The following COL24A1 variants were observed in gnomAD, a reference collection of about 807,000 sequenced individuals.
COL24A1 encodes collagen alpha-1(XXIV) chain.
COL24A1 carries 224 observed loss-of-function variants against 253.9 expected under a neutral mutation model. The ratio of observed to expected loss-of-function variants is 0.88; its 90% CI spans 0.79 to 0.99. COL24A1 has a LOEUF of 0.99. Ranked by LOEUF, COL24A1 falls within the 50% of genes least tolerant of loss-of-function variation. The pLI is 0.00. For synonymous variants in COL24A1, 685 were observed against 673.7 expected, an observed-to-expected ratio of 1.02 and a Z score of -0.26; for missense variants, 2,131 against 2,068.5, an observed-to-expected ratio of 1.03 and a Z score of -0.59.
chr1:86,001,723 G>C (rs1695431696), intron 19 of COL24A1, among the ~76,000 whole-genome samples: 1 of 151,928 alleles, frequency 6.6e-6, no homozygotes, highest in Admixed American at 6.6e-5. Flanking sequence ...TGTTTGAGAT[G>C]GAAAAGAACT....
chr1:85,824,273 G>C (rs1011096011), intron 43 of COL24A1, among the ~76,000 whole-genome samples: 2 of 152,152 alleles, frequency 1.3e-5, no homozygotes, highest in African/African-American at 4.8e-5. Context: ...GCAGGAGTGT[G>C]GCCCTAGAGC....
chr1:85,745,736 C>T (rs1665143815), intron 55 of COL24A1, among the ~76,000 whole-genome samples: 1 of 152,152 alleles, frequency 6.6e-6, no homozygotes, highest in African/African-American at 2.4e-5. Context: ...AAAATAGGAC[C>T]AGAGTCTACA....
rs989540011 is a variant in COL24A1, at chr1:85,868,590, C to T, written c.3229G>A (p.Gly1077Arg). 1.2e-6 allele frequency: 2 copies of T among 1,613,902 alleles called. No individual in the cohort carries two copies. The highest frequency in any genetic ancestry group is 1.7e-6 in the Non-Finnish European group (2 of 1,179,884). The stretch of plus-strand genomic sequence containing the variant: ...GGTAAGCCCATCTCTCCTTTTTCTC[C>T]ATCCTCTCCAGGAAGTCCCCTTCCT... ...PGGRGLPGED[G>R]EKGEMGLPGI... The change falls in exon 37 of 60, where the codon GGA becomes AGA. Residue 1077 changes from glycine (G) to arginine (R), a missense_variant. By Grantham distance (125) the Gly-to-Arg change is moderately radical. Transcript: ENST00000370571.
At chr1:85,843,252 GC>G (rs1558355152) in intron 39 of COL24A1, among the ~76,000 whole-genome samples, 2 of 152,024 alleles carry the variant, frequency 1.3e-5, no homozygotes, top group Non-Finnish European at 2.9e-5. Flanking sequence ...TAAATTCCCA[GC>G]TCTAAAAATG....
chr1:86,047,622 AT>A, intron 11 of COL24A1, among the ~76,000 whole-genome samples: 1 of 152,044 alleles, frequency 6.6e-6, no homozygotes, highest in East Asian at 1.9e-4. Flanking sequence ...ACACATATAT[AT>A]GTTTATTAAA....
intron 43 of COL24A1, among the ~76,000 whole-genome samples, chr1:85,832,199 C>T (rs895307074): frequency 6.6e-6 from 1 of 151,998 alleles, no homozygotes; most frequent in Non-Finnish European, 1.5e-5. Flanking sequence ...TTCCCCATTG[C>T]TCGTTTTTCT....
intron 19 of COL24A1, among the ~76,000 whole-genome samples, chr1:86,011,962 A>G (rs563724510): frequency 1.3e-5 from 2 of 152,160 alleles, no homozygotes; most frequent in South Asian, 4.2e-4. Context: ...CATTTTTGAG[A>G]TTGGCCCTGG....
chr1:85,974,719 C>T (rs1338313441), intron 20 of COL24A1, among the ~76,000 whole-genome samples: 2 of 152,052 alleles, frequency 1.3e-5, no homozygotes, highest in African/African-American at 4.8e-5. Flanking sequence ...TTAAGCTGTG[C>T]ACATATGTTT....
intron 2 of COL24A1, among the ~76,000 whole-genome samples, chr1:86,130,768 A>C (rs893110657): frequency 1.3e-5 from 2 of 151,898 alleles, no homozygotes; most frequent in South Asian, 4.1e-4. Context: ...TACTCTTCCT[A>C]TTCTTCCTCT....
At chr1:85,907,489 T>G (rs1684955845) in intron 27 of COL24A1, among the ~76,000 whole-genome samples, 1 of 151,906 alleles carries the variant, frequency 6.6e-6, no homozygotes, top group Non-Finnish European at 1.5e-5. Context: ...GGAGAAGCTT[T>G]TAATATTCAC....
chr1:85,987,329 G>A (rs553876107), intron 20 of COL24A1, among the ~76,000 whole-genome samples: 1 of 151,514 alleles, frequency 6.6e-6, no homozygotes, highest in Non-Finnish European at 1.5e-5. Context: ...CCTTTTATAC[G>A]CTATGACTTT....
intron 12 of COL24A1, among the ~76,000 whole-genome samples, chr1:86,042,135 A>G (rs1699539147): frequency 6.6e-6 from 1 of 152,178 alleles, no homozygotes. Context: ...ATTAACTGTG[A>G]TTACAGGAAG....
At chr1:85,771,019 A>T (rs944700078) in intron 53 of COL24A1, among the ~76,000 whole-genome samples, 1 of 152,202 alleles carries the variant, frequency 6.6e-6, no homozygotes, top group Non-Finnish European at 1.5e-5. Flanking sequence ...CATTTCACAC[A>T]GTGATCCGGG....
intron 31 of COL24A1, among the ~76,000 whole-genome samples, chr1:85,890,969 T>C (rs1205826376): frequency 6.6e-6 from 1 of 152,140 alleles, no homozygotes; most frequent in Non-Finnish European, 1.5e-5. Context: ...CAGTCAAAGA[T>C]TTATTGAGCA....
intron 4 of COL24A1, among the ~76,000 whole-genome samples, 186 bp downstream of exon 4, chr1:86,115,139 T>C (rs553542046): frequency 6.6e-6 from 1 of 152,372 alleles, no homozygotes; most frequent in African/African-American, 2.4e-5. Context: ...TTTGGCTGTG[T>C]GTTTACACTC....
intron 43 of COL24A1, among the ~76,000 whole-genome samples, chr1:85,837,173 T>C (rs1038078295): frequency 1.3e-5 from 2 of 152,130 alleles, no homozygotes; most frequent in Non-Finnish European, 2.9e-5. Flanking sequence ...ACTCAATTCC[T>C]TGGGTTAGGA....
At chr1:85,772,626 A>G (rs1668103008) in intron 53 of COL24A1, among the ~76,000 whole-genome samples, 1 of 152,074 alleles carries the variant, frequency 6.6e-6, no homozygotes, top group Non-Finnish European at 1.5e-5. Context: ...ACCAGTGATG[A>G]TGAGCATTTT....
chr1:85,894,623 G>A (rs1354923428), intron 31 of COL24A1, among the ~76,000 whole-genome samples: 4 of 151,876 alleles, frequency 2.6e-5, no homozygotes, highest in Non-Finnish European at 5.9e-5. Context: ...ACTGTATAAA[G>A]TATATCAAAG....
chr1:86,018,351 A>G (rs1697186203), intron 18 of COL24A1, among the ~76,000 whole-genome samples: 1 of 152,226 alleles, frequency 6.6e-6, no homozygotes, highest in East Asian at 1.9e-4. Context: ...AATATTATGG[A>G]AAGGCTCATT....
Sources: allele counts gnomAD v4.1 joint callset (sites outside exome capture counted in the v4.1 genomes callset), GRCh38; gene constraint gnomAD v4.1.1; transcripts MANE v1.5; gene names NCBI Gene and HGNC (gene_info 2026-07-23, HGNC 2026-07-21).